TAFA2: variants seen among roughly 807,000 people sequenced by gnomAD.
TAFA2 encodes chemokine-like protein TAFA-2.
Under a neutral mutation model 18.8 loss-of-function variants are expected in TAFA2, and 7 were observed. That is an observed-to-expected ratio of 0.37 (90% CI 0.21 to 0.70). The LOEUF is 0.70. Among genes scored for constraint, TAFA2 ranks in the 30% least tolerant of loss-of-function variants. The probability of loss-of-function intolerance (pLI) is 0.53; values close to 1 mark genes in which losing one functional copy is unlikely to be tolerated. For missense variants in TAFA2, 122 were observed against 158.1 expected, an observed-to-expected ratio of 0.77 and a Z score of 1.23; for synonymous variants, 60 against 54.2, an observed-to-expected ratio of 1.11 and a Z score of -0.47.
chr12:61,805,049 G>A (rs1218605469), intron 2 of TAFA2, among the ~76,000 whole-genome samples: 2 of 151,846 alleles, frequency 1.3e-5, no homozygotes. Context: ...TTAGTATACA[G>A]TATGAATGTT....
At chr12:62,133,669 G>C (rs1176656288) in intron 1 of TAFA2, among the ~76,000 whole-genome samples, 1 of 152,020 alleles carries the variant, frequency 6.6e-6, no homozygotes, top group Non-Finnish European at 1.5e-5. Context: ...ACATGACTCA[G>C]GGAAAAGAGC....
At chr12:62,096,901 C>G (rs190589717) in intron 1 of TAFA2, among the ~76,000 whole-genome samples, 1 of 152,210 alleles carries the variant, frequency 6.6e-6, no homozygotes, top group East Asian at 1.9e-4. Context: ...TCATGGGGCA[C>G]ATGCCTGAAA....
At chr12:62,014,107 T>A (rs1880851819) in intron 1 of TAFA2, among the ~76,000 whole-genome samples, 1 of 152,208 alleles carries the variant, frequency 6.6e-6, no homozygotes, top group Non-Finnish European at 1.5e-5. Context: ...CTGGGCTATA[T>A]AAACACACAT....
intron 2 of TAFA2, among the ~76,000 whole-genome samples, chr12:61,763,628 A>C (rs1455835765): frequency 6.6e-6 from 1 of 151,964 alleles, no homozygotes; most frequent in East Asian, 2.0e-4. Flanking sequence ...TCAGAAATTT[A>C]AAGTAAAAGC....
intron 1 of TAFA2, among the ~76,000 whole-genome samples, chr12:62,123,262 T>A (rs1031995825): frequency 6.6e-6 from 1 of 152,192 alleles, no homozygotes; most frequent in Non-Finnish European, 1.5e-5. Flanking sequence ...TAAGTCTGTT[T>A]GGATAGTTGG....
intron 1 of TAFA2, among the ~76,000 whole-genome samples, chr12:61,955,875 T>TG (rs1878679166): frequency 6.6e-6 from 1 of 151,456 alleles, no homozygotes; most frequent in South Asian, 2.1e-4. Flanking sequence ...TAACAATTTT[T>TG]GGGGGGCCAG....
At chr12:61,909,984 G>A (rs1377135561) in intron 1 of TAFA2, among the ~76,000 whole-genome samples, 1 of 152,042 alleles carries the variant, frequency 6.6e-6, no homozygotes, top group Non-Finnish European at 1.5e-5. Context: ...AAATACGTAA[G>A]ACAAATCCCT....
At chr12:62,152,817 G>A (rs1172405709) in intron 1 of TAFA2, among the ~76,000 whole-genome samples, 1 of 152,172 alleles carries the variant, frequency 6.6e-6, no homozygotes, top group African/African-American at 2.4e-5. Context: ...CAGTTCTCCA[G>A]AAAATATTCA....
At chr12:62,256,712 T>C (rs1308067046) in intron 1 of TAFA2, among the ~76,000 whole-genome samples, 3 of 152,220 alleles carry the variant, frequency 2.0e-5, no homozygotes, top group African/African-American at 7.2e-5. Context: ...AACATTTGTC[T>C]GAAATAAGGA....
intron 2 of TAFA2, among the ~76,000 whole-genome samples, chr12:61,811,429 G>A (rs1240988934): frequency 3.3e-5 from 5 of 151,266 alleles, no homozygotes; most frequent in Non-Finnish European, 5.9e-5. Context: ...GCAAGAGAAC[G>A]GCAAACTTGT....
At chr12:62,144,517 C>T (rs1342168631) in intron 1 of TAFA2, among the ~76,000 whole-genome samples, 2 of 152,026 alleles carry the variant, frequency 1.3e-5, no homozygotes, top group Non-Finnish European at 1.5e-5. Flanking sequence ...TTTCAAGAAC[C>T]AGCACAGAGC....
At chr12:61,740,261 A>G (rs1371052712) in intron 4 of TAFA2, among the ~76,000 whole-genome samples, 2 of 152,010 alleles carry the variant, frequency 1.3e-5, no homozygotes, top group Middle Eastern at 3.2e-3. Flanking sequence ...GTTCTCACTC[A>G]TAAGTGGGAG....
At chr12:61,960,817 C>T (rs1878859120) in intron 1 of TAFA2, among the ~76,000 whole-genome samples, 1 of 150,056 alleles carries the variant, frequency 6.7e-6, no homozygotes, top group Non-Finnish European at 1.5e-5. Context: ...TGCTTTGCTT[C>T]AGCCATAAAC....
At chr12:61,751,794 C>T (rs528528188) in intron 4 of TAFA2, among the ~76,000 whole-genome samples, 3 of 152,078 alleles carry the variant, frequency 2.0e-5, no homozygotes, top group South Asian at 2.1e-4. Flanking sequence ...GAAGCAGACA[C>T]TCCATTTTAA....
chr12:61,754,988 G>C lies in TAFA2; in HGVS notation c.143C>G (p.Ala48Gly). The part of the protein sequence containing the change: ...HVKTGTCEVV[A>G]LHRCCNKNKI... ...GTTCTTATTACAGCATCTGTGGAGT[G>C]CCACCACCTCACAAGTTCCCGTTTT... The change falls in exon 3 of 5, where the codon GCA becomes GGA. Residue 48 changes from alanine to glycine, a missense_variant. Physicochemically the swap from Ala to Gly is moderately conservative, Grantham distance 60. Coordinates refer to ENST00000416284, the MANE Select transcript of TAFA2 (RefSeq NM_178539.5). 1 of 1,612,772 alleles carries C rather than the reference G, an allele frequency of 6.2e-7. No individual in the cohort carries two copies. Among genetic ancestry groups the C allele is most frequent in the Non-Finnish European group, 8.5e-7 (1 of 1,179,270 alleles).
chr12:62,005,910 AAAT>A lies in TAFA2; in HGVS notation c.-1-138487_-1-138485del, dbSNP rs1271392184. Among the ~76,000 whole-genome samples, 3 of 152,262 alleles carry A rather than the reference AAAT, an allele frequency of 2.0e-5. No homozygotes were observed. The East Asian group carries it at 5.8e-4, about 29-fold the overall frequency. On this transcript the variant is annotated intron_variant, in intron 1 of 4. Coordinates refer to ENST00000416284, the MANE Select transcript of TAFA2 (RefSeq NM_178539.5). ...AGAAAGAAATAACTGCAAAATCCAA[AAAT>A]AAGTCTTAATCTACCCTCAAATCAT...
chr12:62,071,484 T>C (rs1882629946), intron 1 of TAFA2, among the ~76,000 whole-genome samples: 1 of 152,080 alleles, frequency 6.6e-6, no homozygotes, highest in Non-Finnish European at 1.5e-5. Flanking sequence ...TTTTAAAACA[T>C]TACTCCAAGC....
intron 4 of TAFA2, among the ~76,000 whole-genome samples, chr12:61,727,449 G>A (rs1217817958): frequency 2.0e-5 from 3 of 151,588 alleles, no homozygotes; most frequent in Admixed American, 6.6e-5. Flanking sequence ...AATCTAGGAG[G>A]GTTGTATATT....
intron 2 of TAFA2, among the ~76,000 whole-genome samples, chr12:61,774,010 C>A (rs1447536956): frequency 6.6e-6 from 1 of 151,510 alleles, no homozygotes; most frequent in Non-Finnish European, 1.5e-5. Flanking sequence ...CAGCAAGAAA[C>A]AAACAATCCC....
Sources: gnomAD v4.1 joint callset for allele counts (sites outside exome capture counted in the v4.1 genomes callset) on GRCh38, gnomAD v4.1.1 for gene constraint, MANE v1.5 for transcripts, NCBI Gene and HGNC (gene_info 2026-07-23, HGNC 2026-07-21) for gene names.